PCDHGB3: variants seen among roughly 807,000 people sequenced by gnomAD.
The protein encoded by PCDHGB3 is protocadherin gamma subfamily B, 3.
PCDHGB3 carries 40 observed loss-of-function variants against 59.2 expected under a neutral mutation model. The observed-to-expected ratio is 0.68, with a 90% CI of 0.52 to 0.88. The LOEUF (loss-of-function observed/expected upper bound fraction) is 0.88. PCDHGB3 is among the 40% of genes least tolerant of loss of function. The probability of loss-of-function intolerance (pLI) is 0.00; values close to 1 mark genes in which losing one functional copy is unlikely to be tolerated. For missense variants in PCDHGB3, 1,309 were observed against 1,187.9 expected (o/e 1.10, Z -1.50); for synonymous variants, 581 against 503.6 (o/e 1.15, Z -2.06).
At chr5:141,434,453 T>C (rs1172243323) in intron 1 of PCDHGB3, among the ~76,000 whole-genome samples, 1 of 152,226 alleles carries the variant, frequency 6.6e-6, no homozygotes, top group Non-Finnish European at 1.5e-5. Context: ...TGGAAGGTAG[T>C]GGGTTTACCG....
At chr5:141,373,416 G>A (rs1162363989) in intron 1 of PCDHGB3, among the ~76,000 whole-genome samples, 3 of 152,182 alleles carry the variant, frequency 2.0e-5, no homozygotes, top group Non-Finnish European at 4.4e-5. Context: ...CCAGCTACTC[G>A]GGAGGCTGAG....
chr5:141,443,172 C>T (rs1454734622), intron 1 of PCDHGB3, among the ~76,000 whole-genome samples: 1 of 152,176 alleles, frequency 6.6e-6, no homozygotes, highest in Non-Finnish European at 1.5e-5. Flanking sequence ...CTACCCATGT[C>T]CACTGCATCA....
intron 1 of PCDHGB3, chr5:141,415,740 G>GTTTTGTTTTT (rs2095911163): frequency 1.9e-6 from 1 of 515,998 alleles, no homozygotes; most frequent in African/African-American, 2.8e-5. Context: ...GTTTATTAAG[G>GTTTTGTTTTT]TTTTTTTTTT....
intron 2 of PCDHGB3, among the ~76,000 whole-genome samples, chr5:141,504,211 A>G (rs2099836609): frequency 6.6e-6 from 1 of 152,218 alleles, no homozygotes. Flanking sequence ...GGAAAATTCC[A>G]AGTAGAGCTG....
chr5:141,384,178 G>A, intron 1 of PCDHGB3: 2 of 1,613,788 alleles, frequency 1.2e-6, no homozygotes, highest in Non-Finnish European at 1.7e-6. Flanking sequence ...AGCCACAGAT[G>A]GTGGAACTCC....
rs924491576 is a variant in PCDHGB3, at chr5:141,491,579, C to T, written c.2416-3228C>T. On this transcript the variant is annotated intron_variant, in intron 1 of 3. Coordinates refer to ENST00000576222, the MANE Select transcript of PCDHGB3 (RefSeq NM_018924.5). This position sits in a 1 kb window ranked among gnomAD's most constrained non-coding sequence, Gnocchi z 6.9. ...CACTGCTACAGGACGTGCTTTTCAC[C>T]GGCCTCGGACGGCAGTGACTTCACT... is the stretch of plus-strand genomic sequence containing the variant. 18 of 1,613,810 alleles carry T rather than the reference C, an allele frequency of 1.1e-5. No homozygotes were observed. Among genetic ancestry groups the T allele is most frequent in the Non-Finnish European group, 1.4e-5 (17 of 1,180,044 alleles).
intron 1 of PCDHGB3, among the ~76,000 whole-genome samples, chr5:141,483,646 GTT>G (rs2099584256): frequency 6.8e-6 from 1 of 146,706 alleles, no homozygotes; most frequent in Admixed American, 6.7e-5. Flanking sequence ...AGGGGTGTGT[GTT>G]TGTGTGTGTG....
chr5:141,460,987 A>G (rs201722325), intron 1 of PCDHGB3, among the ~76,000 whole-genome samples: 34 of 92,988 alleles, frequency 3.7e-4, no homozygotes, highest in Middle Eastern at 5.0e-3. Flanking sequence ...GTGTGTGTAT[A>G]TATATATATG....
rs372202008 is a variant in PCDHGB3, at chr5:141,404,550, C to T, written c.2415+31741C>T. The stretch of plus-strand genomic sequence containing the variant: ...TTTAGAGATTTGCAAATGCAGGTGA[C>T]GGCAAGTGACAGTGGAAGCCCACCA... On this transcript the variant is annotated intron_variant, in intron 1 of 3. Coordinates refer to ENST00000576222, the MANE Select transcript of PCDHGB3 (RefSeq NM_018924.5). The T allele has an allele frequency of 2.8e-4, 448 of 1,613,648 alleles. 1 individual carries two copies. The highest frequency in any genetic ancestry group is 9.8e-4 in the South Asian group (89 of 91,080).
intron 1 of PCDHGB3, chr5:141,383,273 A>C: frequency 6.2e-7 from 1 of 1,613,960 alleles, no homozygotes; most frequent in Non-Finnish European, 8.5e-7. Flanking sequence ...GAAATAATAG[A>C]TATTAATGAC....
In PCDHGB3 at chr5:141,383,687, C is replaced by T; in HGVS notation, c.2415+10878C>T. 1.2e-6 allele frequency: 2 copies of T among 1,613,968 alleles called. No homozygotes were observed. Among genetic ancestry groups the T allele is most frequent in the Middle Eastern group, 1.6e-4 (1 of 6,062 alleles). Reference sequence around the variant, plus strand: ...GTGCCAGTGGGTACAAGACTGCTCACGGTACATGCTATCGACCTGGACGAG... The same window carrying T: ...GTGCCAGTGGGTACAAGACTGCTCATGGTACATGCTATCGACCTGGACGAG... On this transcript the variant is annotated intron_variant, in intron 1 of 3. Coordinates refer to ENST00000576222, the MANE Select transcript of PCDHGB3 (RefSeq NM_018924.5).
At chr5:141,504,476 A>G (rs998883721) in intron 2 of PCDHGB3, among the ~76,000 whole-genome samples, 4 of 152,016 alleles carry the variant, frequency 2.6e-5, no homozygotes, top group African/African-American at 9.7e-5. Context: ...GGATGGGAGT[A>G]CAGTGGAGGC....
At chr5:141,400,637 C>T (rs1198861683) in intron 1 of PCDHGB3, 1 of 1,324,714 alleles carries the variant, frequency 7.5e-7, no homozygotes, top group Non-Finnish European at 1.1e-6. Flanking sequence ...GTCAGAGCTG[C>T]TCAGAAAGCT....
intron 1 of PCDHGB3, among the ~76,000 whole-genome samples, chr5:141,461,126 T>C (rs575819058): frequency 6.6e-6 from 1 of 152,260 alleles, no homozygotes; most frequent in Non-Finnish European, 1.5e-5. Flanking sequence ...TTTCATATAA[T>C]TACTTATTTT....
intron 1 of PCDHGB3, chr5:141,413,151 T>G (rs1192899612): frequency 6.4e-7 from 1 of 1,573,560 alleles, no homozygotes; most frequent in Non-Finnish European, 8.6e-7. Context: ...GTGAGGACTT[T>G]GCAGAATTCT....
At position 141,403,020 on chromosome 5, in the gene PCDHGB3, T is replaced by A. The variant is rs761279674; in HGVS notation, c.2415+30211T>A. ...CTGCTATGCTCGCTCCTGGGGATGCTATGGGAGGCCAGGGCCAGTCAGATT... is the reference window on the plus strand; with the variant it reads ...CTGCTATGCTCGCTCCTGGGGATGCAATGGGAGGCCAGGGCCAGTCAGATT... On this transcript the variant is annotated intron_variant, in intron 1 of 3. Transcript: ENST00000576222. The A allele has an allele frequency of 8.1e-6, 13 of 1,614,034 alleles. 1 individual carries two copies. The South Asian group carries it at 1.4e-4, about 18-fold the overall frequency.
chr5:141,398,675 A>G (rs1462726875), intron 1 of PCDHGB3: 10 of 1,613,974 alleles, frequency 6.2e-6, no homozygotes, highest in East Asian at 2.2e-5. Context: ...TTAATAATTA[A>G]GGAGAAACAG....
Position 141,375,615 on chromosome 5 carries a change from C to G in PCDHGB3, c.2415+2806C>G, listed in dbSNP as rs778578584. Reference sequence around the variant, plus strand: ...TCCTACGTGTCCATCAACTCCGACACTGGGATTCTGTACGCCCTGCGCTCC... The same window carrying G: ...TCCTACGTGTCCATCAACTCCGACAGTGGGATTCTGTACGCCCTGCGCTCC... On this transcript the variant is annotated intron_variant, in intron 1 of 3. Coordinates refer to ENST00000576222, the MANE Select transcript of PCDHGB3 (RefSeq NM_018924.5). The G allele has an allele frequency of 6.8e-6, 11 of 1,614,124 alleles. No homozygotes were observed. In the South Asian group the frequency reaches 1.2e-4, roughly 18 times the overall value.
chr5:141,393,460 A>ATGGC (rs754334472), intron 1 of PCDHGB3: 1 of 1,614,052 alleles, frequency 6.2e-7, no homozygotes, highest in South Asian at 1.1e-5. Flanking sequence ...ACGGCCTCGG[A>ATGGC]TGGCGGCAAG....
Sources: allele counts gnomAD v4.1 joint callset (sites outside exome capture counted in the v4.1 genomes callset), GRCh38; gene constraint gnomAD v4.1.1; non-coding constraint Gnocchi (gnomAD v3.1); transcripts MANE v1.5; gene names NCBI Gene and HGNC (gene_info 2026-07-23, HGNC 2026-07-21).